The following AKT2 variants were observed in gnomAD, a reference collection of about 807,000 sequenced individuals.
AKT2 encodes AKT serine/threonine kinase 2.
In AKT2, 16 loss-of-function variants were observed where a neutral mutation model predicts 58.6. The ratio of observed to expected loss-of-function variants is 0.27; its 90% CI spans 0.18 to 0.41. The LOEUF (loss-of-function observed/expected upper bound fraction) is 0.41, where lower values mean the gene tolerates loss of function less well. Ranked by LOEUF, AKT2 falls within the 10% of genes least tolerant of loss-of-function variation. The probability of loss-of-function intolerance (pLI) is 1.00; values close to 1 mark genes in which losing one functional copy is unlikely to be tolerated. For missense variants in AKT2, 438 were observed against 661.0 expected, an observed-to-expected ratio of 0.66 and a Z score of 3.70; for synonymous variants, 253 against 254.0, an observed-to-expected ratio of 1.00 and a Z score of 0.04.
chr19:40,242,521 TCCCAGCA>T lies in AKT2; in HGVS notation c.441+6_441+12del. 6.2e-7 allele frequency: 1 copy of T among 1,613,318 alleles called. No homozygotes were observed. The highest frequency in any genetic ancestry group is 8.5e-7 in the Non-Finnish European group (1 of 1,179,976). ...CGCAGGCTGGCAGCCCCACCCCTGC[TCCCAGCA>T]CTTACCACTTTAGCCCGTGCCTTGC... On this transcript the variant is annotated splice_donor_region_variant and intron_variant, in intron 5 of 13. Coordinates refer to ENST00000392038, the MANE Select transcript of AKT2 (RefSeq NM_001626.6). The surrounding 1 kb of genome is among the most constrained non-coding windows in gnomAD (Gnocchi z 4.3).
At chr19:40,279,846 G>A (rs562733238) in intron 1 of AKT2, among the ~76,000 whole-genome samples, 29 of 152,218 alleles carry the variant, frequency 1.9e-4, no homozygotes, top group African/African-American at 7.0e-4. Context: ...GGCTCTCCAG[G>A]CTTCAGTTCT....
At chr19:40,256,212 C>A (rs147035148) in intron 3 of AKT2, among the ~76,000 whole-genome samples, 289 of 152,182 alleles carry the variant, frequency 1.9e-3, no homozygotes, top group Non-Finnish European at 3.7e-3. Context: ...GGAGAGCAAT[C>A]AGGAAAAGGC....
rs568096695 is a variant in AKT2, at chr19:40,258,252, A to C, written c.47-1198T>G. 2.6e-4 allele frequency among the ~76,000 whole-genome samples: 39 copies of C among 151,368 alleles called. 1 individual carries two copies. Among genetic ancestry groups the C allele is most frequent in the Admixed American group, 1.6e-3 (24 of 15,222 alleles). On this transcript the variant is annotated intron_variant, in intron 2 of 13. Coordinates refer to ENST00000392038, the MANE Select transcript of AKT2 (RefSeq NM_001626.6). ...AGAGCGAAACTCCGTCTCGAAAAAA[A>C]AAAAAAAAAAACAAAAAAAAAAACC...
chr19:40,275,005 C>G (rs1191279190), intron 1 of AKT2: 2 of 452,422 alleles, frequency 4.4e-6, no homozygotes, highest in South Asian at 1.6e-5. Context: ...GCCCTGGGCA[C>G]TGGCCTGATG....
At chr19:40,252,309 T>C (rs1975216950) in intron 4 of AKT2, among the ~76,000 whole-genome samples, 1 of 152,154 alleles carries the variant, frequency 6.6e-6, no homozygotes, top group South Asian at 2.1e-4. Flanking sequence ...CCTGGTCTCT[T>C]AGTCGTTCCA....
rs117136411 is a variant in AKT2 at position 40,234,516 on chromosome 19, G to A, written c.1366+529C>T. 80 of 274,332 alleles carry A rather than the reference G, an allele frequency of 2.9e-4. No individual in the cohort carries two copies. In the East Asian group the frequency reaches 5.1e-3, roughly 17 times the overall value. The allele number at this position is 274,332 out of a possible 1,614,324, so 17.0% of individuals were successfully genotyped here. On this transcript the variant is annotated intron_variant, in intron 13 of 13. Transcript: ENST00000392038. The surrounding 1 kb of genome is among the most constrained non-coding windows in gnomAD (Gnocchi z 4.7). ...TTCTCCCATTGCTGGCATCCCACAC[G>A]TCATTCCTCCGGCCAGCTGACACGT...
intron 4 of AKT2, among the ~76,000 whole-genome samples, chr19:40,247,749 C>A (rs1028348822): frequency 6.6e-6 from 1 of 152,156 alleles, no homozygotes; most frequent in Non-Finnish European, 1.5e-5. Context: ...GGACTCCTGT[C>A]GCCCTCCCAG....
Position 40,281,257 on chromosome 19 carries a change from G to C in AKT2, c.-85+3924C>G, listed in dbSNP as rs544281353. 5.9e-5 allele frequency among the ~76,000 whole-genome samples: 9 copies of C among 152,350 alleles called. No homozygotes were observed. In the South Asian group the frequency reaches 1.9e-3, roughly 32 times the overall value. On this transcript the variant is annotated intron_variant, in intron 1 of 13. Transcript: ENST00000392038. ...TACGGTCCCAGCTACTCAGGAGACT[G>C]AGGCAGGAGGATCACTTGAGCCCAG...
rs1975238014 is a variant in AKT2 at position 40,252,598 on chromosome 19, GGA to G, written c.287+2558_287+2559del. Among the ~76,000 whole-genome samples the G allele has an allele frequency of 6.4e-5, 8 of 124,696 alleles. No individual in the cohort carries two copies. In the South Asian group the frequency reaches 2.7e-3, roughly 42 times the overall value. 81.8% of individuals were successfully genotyped at this position (124,696 alleles called of 152,430 possible). Reference sequence around the variant, plus strand: ...ACTAAGTGCCTGCCAAGCCCTGTGGGGATCTCCACCTGGAGTCCAAGGCCTTG... The same window carrying G: ...ACTAAGTGCCTGCCAAGCCCTGTGGGTCTCCACCTGGAGTCCAAGGCCTTG... On this transcript the variant is annotated intron_variant, in intron 4 of 13. Coordinates refer to ENST00000392038, the MANE Select transcript of AKT2 (RefSeq NM_001626.6).
At chr19:40,271,426 CAAA>C (rs60327122) in intron 1 of AKT2, among the ~76,000 whole-genome samples, 12 of 68,552 alleles carry the variant, frequency 1.8e-4, no homozygotes, top group South Asian at 5.6e-4. Flanking sequence ...GACCCTGTCT[CAAA>C]AAAAAAAAAA....
intron 4 of AKT2, among the ~76,000 whole-genome samples, chr19:40,250,926 G>A (rs2145261697): frequency 6.6e-6 from 1 of 152,300 alleles, no homozygotes; most frequent in South Asian, 2.1e-4. Context: ...CAGAAAGCTG[G>A]GTGTGGTGGT....
rs754599154 is a variant in AKT2, at chr19:40,234,946, G to A, written c.1366+99C>T. The A allele has an allele frequency of 8.3e-6, 9 of 1,089,394 alleles. No homozygotes were observed. Among genetic ancestry groups the A allele is most frequent in the Non-Finnish European group, 1.3e-5 (9 of 716,548 alleles). The allele number at this position is 1,089,394 out of a possible 1,614,324, so 67.5% of individuals were successfully genotyped here. Reference sequence around the variant, plus strand: ...GGGGAAATCTCCCAGACATGAAGCGGGGGCCTTCGAGGGCCCTCCTTGAGA... The same window carrying A: ...GGGGAAATCTCCCAGACATGAAGCGAGGGCCTTCGAGGGCCCTCCTTGAGA... On this transcript the variant is annotated intron_variant, in intron 13 of 13. Transcript: ENST00000392038. The surrounding 1 kb of genome is among the most constrained non-coding windows in gnomAD (Gnocchi z 4.7).
intron 1 of AKT2, chr19:40,274,269 C>G (rs1180242457): frequency 1.3e-5 from 2 of 152,714 alleles, no homozygotes; most frequent in African/African-American, 2.4e-5. Flanking sequence ...CCCAGCTCCA[C>G]TCAGCACAGG....
Position 40,235,276 on chromosome 19 carries a change from A to G in AKT2, c.1250T>C (p.Val417Ala). 1 of 1,613,952 alleles carries G rather than the reference A, an allele frequency of 6.2e-7. No individual in the cohort carries two copies. The highest frequency in any genetic ancestry group is 8.5e-7 in the Non-Finnish European group (1 of 1,179,976). Reference sequence around the variant, plus strand: ...AGTGGGGCTCACCTTCTTCTGGACCACGTCCTGCCAGTTGATGCTGAGGAA... The same window carrying G: ...AGTGGGGCTCACCTTCTTCTGGACCGCGTCCTGCCAGTTGATGCTGAGGAA... ...RFFLSINWQD[V>A]VQKKLLPPFK... The change falls in exon 12 of 14, where the codon GTG becomes GCG. Residue 417 changes from valine (V) to alanine (A), a missense_variant. Around this residue, in one of 3 missense-constraint regions of AKT2, gnomAD observed 148 missense variants for 199.5 expected, o/e 0.74. Coordinates refer to ENST00000392038, the MANE Select transcript of AKT2 (RefSeq NM_001626.6). The surrounding 1 kb of genome is among the most constrained non-coding windows in gnomAD (Gnocchi z 6.3).
chr19:40,234,801 C>T lies in AKT2; in HGVS notation c.1366+244G>A, dbSNP rs73555567. The stretch of plus-strand genomic sequence containing the variant: ...AGTGAACCCAGCCAGGCTCAGGGAC[C>T]GGGCTGCCTCCTGCCCTGAGCCCCC... On this transcript the variant is annotated intron_variant, in intron 13 of 13. Coordinates refer to ENST00000392038, the MANE Select transcript of AKT2 (RefSeq NM_001626.6). This position sits in a 1 kb window ranked among gnomAD's most constrained non-coding sequence, Gnocchi z 4.7. 1.3e-5 allele frequency: 8 copies of T among 620,360 alleles called. No individual in the cohort carries two copies. Among genetic ancestry groups the T allele is most frequent in the South Asian group, 1.9e-5 (1 of 52,678 alleles). The allele number at this position is 620,360 out of a possible 1,614,324, so 38.4% of individuals were successfully genotyped here. A position where few individuals can be genotyped will look rare whatever the true frequency, so the allele number is the denominator to read the frequency against.
chr19:40,275,657 G>A (rs1005422812), intron 1 of AKT2, among the ~76,000 whole-genome samples: 2 of 151,524 alleles, frequency 1.3e-5, no homozygotes, highest in African/African-American at 4.9e-5. Flanking sequence ...TGCAACTAAA[G>A]AACTGACTTT....
At position 40,235,955 on chromosome 19, in the gene AKT2, C is replaced by T. The variant is rs41309435; in HGVS notation, c.1110G>A (p.Pro370=). The T allele has an allele frequency of 7.1e-5, 114 of 1,613,894 alleles. No individual in the cohort carries two copies. Among genetic ancestry groups the T allele is most frequent in the Middle Eastern group, 1.7e-4 (1 of 6,060 alleles). The change falls in exon 11 of 14, where the codon CCG becomes CCA. Residue 370 remains proline, a synonymous_variant. Transcript: ENST00000392038. The surrounding 1 kb of genome is among the most constrained non-coding windows in gnomAD (Gnocchi z 6.3). The part of the protein sequence containing the change: ...ELILMEEIRF[P]RTLSPEAKSL... ...ACTTGGCCTCGGGGCTGAGCGTGCG[C>T]GGGAAGCGGATCTCTTCCATGAGGA... is the stretch of plus-strand genomic sequence containing the variant.
chr19:40,237,594 G>T lies in AKT2; in HGVS notation c.831+375C>A, dbSNP rs968422587. ...CGGGAGGCAGAGGTTGCAGCGAGCC[G>T]AGATCACACCACTGCACTCAACAGA... On this transcript the variant is annotated intron_variant, in intron 9 of 13. Coordinates refer to ENST00000392038, the MANE Select transcript of AKT2 (RefSeq NM_001626.6). The surrounding 1 kb of genome is among the most constrained non-coding windows in gnomAD (Gnocchi z 4.5). 3 of 205,890 alleles carry T rather than the reference G, an allele frequency of 1.5e-5. No homozygotes were observed. Among genetic ancestry groups the T allele is most frequent in the Admixed American group, 1.1e-4 (2 of 18,608 alleles). 12.8% of individuals were successfully genotyped at this position (205,890 alleles called of 1,614,324 possible).
Position 40,238,734 on chromosome 19 carries a change from A to G in AKT2, c.708+171T>C, listed in dbSNP as rs1974185401. On this transcript the variant is annotated intron_variant, in intron 8 of 13. Transcript: ENST00000392038. The surrounding 1 kb of genome is among the most constrained non-coding windows in gnomAD (Gnocchi z 5.1). Reference sequence around the variant, plus strand: ...AAGCCACTTAACCTCTCTGAGCCTCAGTGACTGCCCCCCCAAAATGGAGAC... The same window carrying G: ...AAGCCACTTAACCTCTCTGAGCCTCGGTGACTGCCCCCCCAAAATGGAGAC... Among the ~76,000 whole-genome samples the G allele has an allele frequency of 6.6e-6, 1 of 152,112 alleles. No homozygotes were observed. Among genetic ancestry groups the G allele is most frequent in the Non-Finnish European group, 1.5e-5 (1 of 68,012 alleles).
Sources: gnomAD v4.1 joint callset for allele counts (sites outside exome capture counted in the v4.1 genomes callset) on GRCh38, gnomAD v4.1.1 for gene constraint, gnomAD v4.1.1 regional missense constraint, Gnocchi (gnomAD v3.1) non-coding constraint, MANE v1.5 for transcripts, NCBI Gene and HGNC (gene_info 2026-07-23, HGNC 2026-07-21) for gene names.